KCNT2: variants seen among roughly 807,000 people sequenced by gnomAD.
The protein encoded by KCNT2 is potassium sodium-activated channel subfamily T member 2.
KCNT2 carries 67 observed loss-of-function variants against 153.8 expected under a neutral mutation model. The ratio of observed to expected loss-of-function variants is 0.44; its 90% CI spans 0.36 to 0.53. KCNT2 has a LOEUF of 0.53. Among genes scored for constraint, KCNT2 ranks in the 20% least tolerant of loss-of-function variants. The pLI is 0.00. For missense variants in KCNT2, 975 were observed against 1,354.8 expected, an observed-to-expected ratio of 0.72 and a Z score of 4.40; for synonymous variants, 500 against 458.8, an observed-to-expected ratio of 1.09 and a Z score of -1.15.
intron 1 of KCNT2, among the ~76,000 whole-genome samples, chr1:196,561,611 A>ACTGCACTCCAG (rs1659394443): frequency 7.5e-6 from 1 of 133,132 alleles, no homozygotes; most frequent in Non-Finnish European, 1.6e-5. Context: ...CTGAGATCAC[A>ACTGCACTCCAG]CCACTGCACT....
chr1:196,506,820 A>T (rs999137274), intron 1 of KCNT2, among the ~76,000 whole-genome samples: 1 of 152,174 alleles, frequency 6.6e-6, no homozygotes, highest in African/African-American at 2.4e-5. Flanking sequence ...TGTTTATGGT[A>T]TAAAGGGAGC....
intron 1 of KCNT2, among the ~76,000 whole-genome samples, chr1:196,538,229 G>T (rs906617150): frequency 1.3e-5 from 2 of 152,014 alleles, no homozygotes; most frequent in African/African-American, 4.8e-5. Flanking sequence ...CTGCCACCCA[G>T]GTTCCCACCG....
At chr1:196,563,191 G>A (rs1336372706) in intron 1 of KCNT2, among the ~76,000 whole-genome samples, 1 of 151,912 alleles carries the variant, frequency 6.6e-6, no homozygotes, top group Non-Finnish European at 1.5e-5. Context: ...ACGAAAGAAA[G>A]ACAGAGTATT....
intron 25 of KCNT2, among the ~76,000 whole-genome samples, chr1:196,272,328 C>G (rs1298433941): frequency 6.6e-6 from 1 of 151,828 alleles, no homozygotes; most frequent in East Asian, 1.9e-4. Flanking sequence ...TCTGGCTGCA[C>G]TATGCAAGAT....
chr1:196,444,514 G>T (rs1382517863), intron 8 of KCNT2, among the ~76,000 whole-genome samples: 1 of 151,054 alleles, frequency 6.6e-6, no homozygotes, highest in African/African-American at 2.4e-5. Flanking sequence ...TTTCAACATC[G>T]TGACCAGTTA....
intron 1 of KCNT2, among the ~76,000 whole-genome samples, chr1:196,546,043 A>G (rs1175912547): frequency 6.6e-6 from 1 of 152,034 alleles, no homozygotes; most frequent in Non-Finnish European, 1.5e-5. Flanking sequence ...AACCAATAGT[A>G]TTCTGGGCCA....
At chr1:196,508,112 G>C (rs1398494341) in intron 1 of KCNT2, among the ~76,000 whole-genome samples, 2 of 143,840 alleles carry the variant, frequency 1.4e-5, no homozygotes, top group African/African-American at 5.1e-5. Context: ...ATACATAACA[G>C]AGGTGGTATG....
At chr1:196,305,388 A>AT (rs766182600) in intron 21 of KCNT2, 43 bp from the exon 22 acceptor site, 1 of 1,052,926 alleles carries the variant, frequency 9.5e-7, no homozygotes, top group East Asian at 2.4e-5. Context: ...ACAATCCAAT[A>AT]TGGTATTTTT....
chr1:196,604,709 ATATAT>A (rs1298161641), intron 1 of KCNT2, among the ~76,000 whole-genome samples: 3 of 151,412 alleles, frequency 2.0e-5, no homozygotes, highest in South Asian at 2.1e-4. Flanking sequence ...TATTCATTAC[ATATAT>A]TATAATATAT....
chr1:196,535,450 T>G (rs1037969952), intron 1 of KCNT2, among the ~76,000 whole-genome samples: 1 of 152,198 alleles, frequency 6.6e-6, no homozygotes, highest in Non-Finnish European at 1.5e-5. Flanking sequence ...TAATGACAAT[T>G]GAAAATCACT....
At chr1:196,441,675 G>A (rs1268984486) in intron 8 of KCNT2, among the ~76,000 whole-genome samples, 1 of 151,552 alleles carries the variant, frequency 6.6e-6, no homozygotes, top group African/African-American at 2.4e-5. Context: ...AAAAGCATCT[G>A]CTAAACAATC....
At chr1:196,407,349 C>G (rs866983420) in intron 12 of KCNT2, among the ~76,000 whole-genome samples, 24 of 151,488 alleles carry the variant, frequency 1.6e-4, no homozygotes, top group African/African-American at 5.8e-4. Context: ...GTACATCTGT[C>G]AAAAATTTAC....
chr1:196,232,420 C>T (rs1257979645), intron 27 of KCNT2, among the ~76,000 whole-genome samples: 6 of 151,632 alleles, frequency 4.0e-5, no homozygotes, highest in Admixed American at 2.6e-4. Context: ...CTATTATTGT[C>T]ACTACAAAAC....
intron 25 of KCNT2, among the ~76,000 whole-genome samples, chr1:196,260,737 A>G (rs1362935295): frequency 6.6e-6 from 1 of 151,898 alleles, no homozygotes; most frequent in East Asian, 1.9e-4. Flanking sequence ...CATTAAGTTT[A>G]TATGTATAAT....
chr1:196,457,058 T>C (rs1676733837), intron 8 of KCNT2, among the ~76,000 whole-genome samples: 1 of 151,896 alleles, frequency 6.6e-6, no homozygotes. Context: ...AACAAAATAA[T>C]TTTTTACACC....
intron 3 of KCNT2, among the ~76,000 whole-genome samples, 180 bp from the exon 4 acceptor site, chr1:196,482,559 C>A (rs987663298): frequency 6.6e-6 from 1 of 151,710 alleles, no homozygotes; most frequent in Non-Finnish European, 1.5e-5. Context: ...ATTTCTATTC[C>A]GATAAAAACT....
rs964476799 is a variant in KCNT2, at chr1:196,425,862, A to G, written c.1111T>C (p.Leu371=). The part of the protein sequence containing the change: ...QGSALKDQDL[L]RAKMDDAEAC... ...GGCAGGGATACCTACTTTGCTCTCA[A>G]TAGGTCTTGATCTTTAAGGGCTGAA... The change falls in exon 11 of 28, where the codon TTG becomes CTG. Residue 371 remains leucine, a synonymous_variant. Transcript: ENST00000294725. 3.7e-6 allele frequency: 6 copies of G among 1,612,356 alleles called. No homozygotes were observed. The highest frequency in any genetic ancestry group is 2.2e-5 in the East Asian group (1 of 44,726).
At chr1:196,428,992 A>T (rs1274647111) in intron 9 of KCNT2, among the ~76,000 whole-genome samples, 1 of 149,210 alleles carries the variant, frequency 6.7e-6, no homozygotes, top group Non-Finnish European at 1.5e-5. Context: ...CATAATATTT[A>T]CATACCATGT....
chr1:196,324,358 A>T (rs1663634934), intron 19 of KCNT2, among the ~76,000 whole-genome samples: 1 of 152,064 alleles, frequency 6.6e-6, no homozygotes, highest in Non-Finnish European at 1.5e-5. Flanking sequence ...AATAAAACAG[A>T]AATTTCATAG....
Sources: gnomAD v4.1 joint callset for allele counts (sites outside exome capture counted in the v4.1 genomes callset) on GRCh38, gnomAD v4.1.1 for gene constraint, MANE v1.5 for transcripts, NCBI Gene and HGNC (gene_info 2026-07-23, HGNC 2026-07-21) for gene names.